The following MMP26 variants were observed in gnomAD, a reference collection of about 807,000 sequenced individuals.
The protein encoded by MMP26 is matrix metalloproteinase-26.
Under a neutral mutation model 31.0 loss-of-function variants are expected in MMP26, and 33 were observed. The ratio of observed to expected loss-of-function variants is 1.06; its 90% confidence interval spans 0.81 to 1.42. The LOEUF is 1.42. Among genes scored for constraint, MMP26 ranks in the 40% most tolerant of loss-of-function variants. MMP26 has a pLI of 0.00. For missense variants in MMP26, 347 were observed against 316.1 expected (o/e 1.10, Z -0.74); for synonymous variants, 122 against 114.9 (o/e 1.06, Z -0.40).
intron 2 of MMP26, among the ~76,000 whole-genome samples, chr11:4,771,905 G>A (rs1254451475): frequency 2.6e-5 from 4 of 152,164 alleles, no homozygotes; most frequent in African/African-American, 9.7e-5. Flanking sequence ...AAACCCATAT[G>A]ACTATTTGTG....
At chr11:4,915,141 C>T in intron 2 of MMP26, 1 of 1,613,974 alleles carries the variant, frequency 6.2e-7, no homozygotes, top group Non-Finnish European at 8.5e-7. Flanking sequence ...ACTGGGGAGC[C>T]ACAATAGGGG....
chr11:4,722,989 C>G, intron 1 of MMP26: 1 of 852,294 alleles, frequency 1.2e-6, no homozygotes. Flanking sequence ...CCAGCCGGCT[C>G]TCCTCGCCAT....
At chr11:4,833,117 TAGG>T (rs983395311) in intron 2 of MMP26, 1 of 152,194 alleles carries the variant, frequency 6.6e-6, no homozygotes, top group African/African-American at 2.4e-5. Context: ...TACATTTTCT[TAGG>T]AGAAGGACAG....
intron 1 of MMP26, among the ~76,000 whole-genome samples, chr11:4,760,155 C>G (rs935008118): frequency 6.6e-6 from 1 of 152,108 alleles, no homozygotes; most frequent in South Asian, 2.1e-4. Context: ...GAGTTAGATC[C>G]TCCTTTGGAG....
At chr11:4,958,125 G>C (rs1183308952) in intron 2 of MMP26, among the ~76,000 whole-genome samples, 2 of 152,132 alleles carry the variant, frequency 1.3e-5, no homozygotes, top group African/African-American at 4.8e-5. Flanking sequence ...TCCTTCACTA[G>C]ATGGAACAAT....
At chr11:4,769,337 A>G in intron 2 of MMP26, 3 of 1,613,670 alleles carry the variant, frequency 1.9e-6, no homozygotes, top group Non-Finnish European at 2.5e-6. Context: ...ATTTGCCCGA[A>G]TGTCTGAACA....
At chr11:4,884,607 C>A (rs2133542086) in intron 2 of MMP26, among the ~76,000 whole-genome samples, 1 of 152,246 alleles carries the variant, frequency 6.6e-6, no homozygotes, top group South Asian at 2.1e-4. Context: ...CCAGAACACA[C>A]ACTAATCTAA....
chr11:4,850,135 C>G (rs547710501), intron 2 of MMP26, among the ~76,000 whole-genome samples: 1 of 152,188 alleles, frequency 6.6e-6, no homozygotes, highest in South Asian at 2.1e-4. Flanking sequence ...TTCCTTGGCC[C>G]TCTTTATTTT....
chr11:4,972,844 A>G (rs1358089395), intron 2 of MMP26: 1 of 152,172 alleles, frequency 6.6e-6, no homozygotes, highest in Non-Finnish European at 1.5e-5. Flanking sequence ...AGATTGAGAA[A>G]TTATATTGTA....
chr11:4,914,337 AAGAG>A (rs1046992476), intron 2 of MMP26: 37 of 165,098 alleles, frequency 2.2e-4, no homozygotes, highest in Admixed American at 5.3e-4. Flanking sequence ...ATGGAGGTGG[AAGAG>A]AGAGAGAGAG....
chr11:4,891,974 A>G (rs1203007094), intron 2 of MMP26, among the ~76,000 whole-genome samples: 2 of 152,074 alleles, frequency 1.3e-5, no homozygotes, highest in African/African-American at 4.8e-5. Flanking sequence ...TGTATTTGAG[A>G]GTTTTCATAT....
At chr11:4,888,285 A>C (rs11034541) in intron 2 of MMP26, among the ~76,000 whole-genome samples, 2 of 151,938 alleles carry the variant, frequency 1.3e-5, no homozygotes, top group Non-Finnish European at 2.9e-5. Flanking sequence ...TGATTTTTAC[A>C]GAAAAAATTT....
intron 2 of MMP26, among the ~76,000 whole-genome samples, chr11:4,774,407 T>G (rs1848765260): frequency 6.6e-6 from 1 of 152,230 alleles, no homozygotes; most frequent in Admixed American, 6.5e-5. Flanking sequence ...ATATGTTTGT[T>G]GGCTGCATGA....
At chr11:4,706,601 AC>A (rs1272798842) in intron 1 of MMP26, among the ~76,000 whole-genome samples, 1 of 118,104 alleles carries the variant, frequency 8.5e-6, no homozygotes, top group Non-Finnish European at 1.6e-5. Context: ...AAAAAAAAAG[AC>A]AGAAAGAAAG....
Position 4,722,659 on chromosome 11 carries a change from C to T in MMP26, c.-217+17614C>T, listed in dbSNP as rs1848030350. 5.3e-5 allele frequency: 36 copies of T among 685,308 alleles called. 1 individual carries two copies. The South Asian group carries it at 5.4e-4, about 10-fold the overall frequency. The allele number at this position is 685,308 out of a possible 1,614,324, so 42.5% of individuals were successfully genotyped here. A position where few individuals can be genotyped will look rare whatever the true frequency, so the allele number is the denominator to read the frequency against. On this transcript the variant is annotated intron_variant, in intron 1 of 7. Coordinates refer to ENST00000380390, the MANE Select transcript of MMP26 (RefSeq NM_021801.5). Reference sequence around the variant, plus strand: ...GGTGGGTCCCCTGTTCCCTGTGCTACCCTGCACAGTGGCCTCCCTCCTGTG... The same window carrying T: ...GGTGGGTCCCCTGTTCCCTGTGCTATCCTGCACAGTGGCCTCCCTCCTGTG...
intron 2 of MMP26, among the ~76,000 whole-genome samples, chr11:4,810,573 T>C (rs1248078922): frequency 6.6e-6 from 1 of 152,232 alleles, no homozygotes; most frequent in Non-Finnish European, 1.5e-5. Flanking sequence ...TACATGAGTA[T>C]GTATATACAA....
chr11:4,845,371 T>C (rs1248471949), intron 2 of MMP26, among the ~76,000 whole-genome samples: 1 of 152,102 alleles, frequency 6.6e-6, no homozygotes, highest in African/African-American at 2.4e-5. Context: ...CCAATGAAAA[T>C]ATCAATGACA....
chr11:4,737,607 C>T (rs551822600), intron 1 of MMP26, among the ~76,000 whole-genome samples: 18 of 152,338 alleles, frequency 1.2e-4, no homozygotes, highest in Non-Finnish European at 1.5e-5. Flanking sequence ...CACGCCTTTG[C>T]ACTCCAGCTT....
At chr11:4,798,912 G>A (rs1037899147) in intron 2 of MMP26, among the ~76,000 whole-genome samples, 4 of 152,116 alleles carry the variant, frequency 2.6e-5, no homozygotes, top group Non-Finnish European at 4.4e-5. Flanking sequence ...ACTCTAAAAC[G>A]GAGCCCTGAC....
Sources: gnomAD v4.1 joint callset for allele counts (sites outside exome capture counted in the v4.1 genomes callset) on GRCh38, gnomAD v4.1.1 for gene constraint, MANE v1.5 for transcripts, NCBI Gene and HGNC (gene_info 2026-07-23, HGNC 2026-07-21) for gene names.